The following TMEM132D variants were observed in gnomAD, a reference collection of about 807,000 sequenced individuals.
TMEM132D encodes transmembrane protein 132D.
A neutral mutation model predicts 62.3 loss-of-function variants in TMEM132D; 21 were observed. The observed-to-expected ratio is 0.34, with a 90% CI of 0.24 to 0.49. TMEM132D has a LOEUF of 0.49. TMEM132D is among the 20% of genes least tolerant of loss of function. The probability of loss-of-function intolerance (pLI) is 0.99; values close to 1 mark genes in which losing one functional copy is unlikely to be tolerated. For synonymous variants in TMEM132D, 621 were observed against 575.6 expected (o/e 1.08, Z -1.13); for missense variants, 1,346 against 1,402.8 (o/e 0.96, Z 0.65).
At chr12:129,608,034 C>T (rs961287774) in intron 2 of TMEM132D, among the ~76,000 whole-genome samples, 2 of 152,130 alleles carry the variant, frequency 1.3e-5, no homozygotes, top group African/African-American at 4.8e-5. Flanking sequence ...ATATTGATTG[C>T]TGTGGGGGAA....
chr12:129,781,935 G>C (rs1353409696), intron 1 of TMEM132D, among the ~76,000 whole-genome samples: 1 of 152,146 alleles, frequency 6.6e-6, no homozygotes, highest in East Asian at 1.9e-4. Context: ...ATTTTTTTAA[G>C]AAGTTCAAGA....
chr12:129,664,421 A>ATTTT (rs34308998), intron 2 of TMEM132D, among the ~76,000 whole-genome samples: 3,389 of 114,078 alleles, frequency 0.03, 145 homozygotes, highest in East Asian at 0.059. Flanking sequence ...AATTACAAGA[A>ATTTT]TTTTTTTTTT....
chr12:129,190,587 G>T (rs1878366870), intron 5 of TMEM132D, among the ~76,000 whole-genome samples: 1 of 149,310 alleles, frequency 6.7e-6, no homozygotes, highest in Non-Finnish European at 1.5e-5. Flanking sequence ...GAGGGAGGGG[G>T]TCTGGGGCCT....
At chr12:129,690,484 G>C (rs1318249282) in intron 2 of TMEM132D, among the ~76,000 whole-genome samples, 1 of 151,992 alleles carries the variant, frequency 6.6e-6, no homozygotes, top group African/African-American at 2.4e-5. Context: ...ACTTTAACAA[G>C]TTAAAAGTAA....
At chr12:129,614,330 C>G (rs1285617940) in intron 2 of TMEM132D, among the ~76,000 whole-genome samples, 2 of 152,214 alleles carry the variant, frequency 1.3e-5, no homozygotes, top group East Asian at 3.9e-4. Context: ...AGATAGTTCC[C>G]ATAGCTCAGT....
At chr12:129,487,655 C>T (rs1274439230) in intron 3 of TMEM132D, among the ~76,000 whole-genome samples, 2 of 151,976 alleles carry the variant, frequency 1.3e-5, no homozygotes, top group Non-Finnish European at 2.9e-5. Context: ...CATGAGGGTT[C>T]TGCCCTCAAG....
At chr12:129,743,939 T>A (rs1025643833) in intron 1 of TMEM132D, among the ~76,000 whole-genome samples, 1 of 152,156 alleles carries the variant, frequency 6.6e-6, no homozygotes, top group Non-Finnish European at 1.5e-5. Flanking sequence ...CTCAGTGAGA[T>A]GTCAGAGACA....
At chr12:129,680,705 T>C (rs536615547) in intron 2 of TMEM132D, among the ~76,000 whole-genome samples, 140 of 152,306 alleles carry the variant, frequency 9.2e-4, no homozygotes, top group Admixed American at 3.3e-3. Context: ...CGGTAAGTAG[T>C]TACAGAGGTG....
intron 3 of TMEM132D, among the ~76,000 whole-genome samples, chr12:129,505,274 A>G (rs1483885114): frequency 6.0e-5 from 9 of 149,152 alleles, no homozygotes; most frequent in Non-Finnish European, 1.3e-4. Flanking sequence ...ACGGAGTCTC[A>G]TTCTGTCGCC....
chr12:129,318,691 T>A (rs1042088480), intron 4 of TMEM132D, among the ~76,000 whole-genome samples: 2 of 152,108 alleles, frequency 1.3e-5, no homozygotes, highest in Non-Finnish European at 2.9e-5. Flanking sequence ...GGTTGTATGC[T>A]CTTTGTGTTC....
chr12:129,512,570 A>G (rs1014207478), intron 3 of TMEM132D, among the ~76,000 whole-genome samples: 1 of 152,204 alleles, frequency 6.6e-6, no homozygotes, highest in Non-Finnish European at 1.5e-5. Flanking sequence ...ACAGTTTCTG[A>G]GGGTCAAGAA....
chr12:129,277,848 G>T lies in TMEM132D; in HGVS notation c.1299+59786C>A, dbSNP rs973834771. Among the ~76,000 whole-genome samples, 1 of 152,110 alleles carries T rather than the reference G, an allele frequency of 6.6e-6. No homozygotes were observed. The highest frequency in any genetic ancestry group is 1.5e-5 in the Non-Finnish European group (1 of 68,036). ...TACTGACCCAGAGGATGGATCCTTA[G>T]GCTTAAGAACTCCCTGGTTCATCTC... On this transcript the variant is annotated intron_variant, in intron 4 of 8. Transcript: ENST00000422113. The surrounding 1 kb of genome is among the most constrained non-coding windows in gnomAD (Gnocchi z 4.2).
intron 1 of TMEM132D, among the ~76,000 whole-genome samples, chr12:129,820,243 G>A (rs1490451064): frequency 6.6e-6 from 1 of 152,182 alleles, no homozygotes; most frequent in African/African-American, 2.4e-5. Context: ...TTGTTGCAAA[G>A]ATGGTGCTCT....
chr12:129,215,635 A>G (rs571902934), intron 4 of TMEM132D, among the ~76,000 whole-genome samples: 1 of 152,320 alleles, frequency 6.6e-6, no homozygotes, highest in South Asian at 2.1e-4. Context: ...TGGTTAAAAG[A>G]CACGTGGTTT....
intron 4 of TMEM132D, among the ~76,000 whole-genome samples, chr12:129,225,190 T>C (rs1879449314): frequency 6.6e-6 from 1 of 152,152 alleles, no homozygotes; most frequent in Non-Finnish European, 1.5e-5. Flanking sequence ...AAGGGAAGGA[T>C]TTCATACATG....
intron 1 of TMEM132D, among the ~76,000 whole-genome samples, chr12:129,705,137 A>G (rs1156958573): frequency 6.6e-6 from 1 of 152,240 alleles, no homozygotes; most frequent in Non-Finnish European, 1.5e-5. Flanking sequence ...AGAGGCTGTA[A>G]CCATGTGAGA....
intron 2 of TMEM132D, among the ~76,000 whole-genome samples, chr12:129,558,890 C>T (rs192533231): frequency 1.1e-3 from 164 of 152,288 alleles, no homozygotes; most frequent in African/African-American, 3.7e-3. Flanking sequence ...AGTAATGGCA[C>T]TCAATTATTG....
intron 2 of TMEM132D, among the ~76,000 whole-genome samples, chr12:129,538,043 T>C (rs1448526397): frequency 6.6e-6 from 1 of 152,192 alleles, no homozygotes; most frequent in South Asian, 2.1e-4. Context: ...GAAGACACTG[T>C]CCAAGACAAA....
intron 3 of TMEM132D, among the ~76,000 whole-genome samples, chr12:129,376,593 C>T (rs939644481): frequency 6.6e-6 from 1 of 152,078 alleles, no homozygotes; most frequent in Non-Finnish European, 1.5e-5. Flanking sequence ...AAGCTTAAGC[C>T]CTAACCCCCA....
Sources: gnomAD v4.1 joint callset for allele counts (sites outside exome capture counted in the v4.1 genomes callset) on GRCh38, gnomAD v4.1.1 for gene constraint, Gnocchi (gnomAD v3.1) non-coding constraint, MANE v1.5 for transcripts, NCBI Gene and HGNC (gene_info 2026-07-23, HGNC 2026-07-21) for gene names.